GTF2F2: variants seen among roughly 807,000 people sequenced by gnomAD.
GTF2F2 encodes ATP-dependent helicase GTF2F2.
In GTF2F2, 23 loss-of-function variants were observed where a neutral mutation model predicts 42.2. The ratio of observed to expected loss-of-function variants is 0.55; its 90% CI spans 0.39 to 0.77. The LOEUF (loss-of-function observed/expected upper bound fraction) is 0.77, where lower values mean the gene tolerates loss of function less well. GTF2F2 is among the 30% of genes least tolerant of loss of function. GTF2F2 has a pLI of 0.00. For missense variants in GTF2F2, 261 were observed against 287.2 expected, an observed-to-expected ratio of 0.91 and a Z score of 0.66; for synonymous variants, 105 against 100.8, an observed-to-expected ratio of 1.04 and a Z score of -0.25.
intron 7 of GTF2F2, among the ~76,000 whole-genome samples, chr13:45,277,240 A>T (rs1334150064): frequency 6.6e-6 from 1 of 152,334 alleles, no homozygotes; most frequent in East Asian, 1.9e-4. Flanking sequence ...TGGGTAATTT[A>T]TAAAGAAGAG....
chr13:45,125,456 G>T (rs1868939872), intron 1 of GTF2F2, among the ~76,000 whole-genome samples: 1 of 151,926 alleles, frequency 6.6e-6, no homozygotes, highest in Non-Finnish European at 1.5e-5. Flanking sequence ...AGTAGCTGGG[G>T]CTACAGGCGC....
chr13:45,156,764 G>GAAAAT (rs1398695436), intron 4 of GTF2F2, among the ~76,000 whole-genome samples: 1 of 152,188 alleles, frequency 6.6e-6, no homozygotes, highest in Non-Finnish European at 1.5e-5. Flanking sequence ...TACTGAATTA[G>GAAAAT]AAAATATTCA....
intron 6 of GTF2F2, among the ~76,000 whole-genome samples, chr13:45,265,574 T>C (rs1227121789): frequency 1.3e-5 from 2 of 152,172 alleles, no homozygotes; most frequent in Non-Finnish European, 2.9e-5. Context: ...ATGAAGATGA[T>C]TGAGTCCTTT....
chr13:45,198,821 A>G (rs1873034135), intron 4 of GTF2F2, among the ~76,000 whole-genome samples: 1 of 152,038 alleles, frequency 6.6e-6, no homozygotes, highest in African/African-American at 2.4e-5. Context: ...ACTGAATGTA[A>G]GAAACATTCA....
At chr13:45,267,209 A>G (rs754672560) in intron 6 of GTF2F2, 24 bp from the exon 7 acceptor site, 174 of 1,589,784 alleles carry the variant, frequency 1.1e-4, no homozygotes, top group Non-Finnish European at 1.5e-4. Context: ...TGATGCTTTT[A>G]TTTCCTTTGC....
At chr13:45,255,999 T>C (rs893573154) in intron 6 of GTF2F2, among the ~76,000 whole-genome samples, 14 of 152,208 alleles carry the variant, frequency 9.2e-5, no homozygotes, top group Admixed American at 9.2e-4. Flanking sequence ...CTCAATGATA[T>C]ATATACAATA....
At position 45,283,685 on chromosome 13, in the gene GTF2F2, C is replaced by T. The variant is rs1023437831; in HGVS notation, c.*124C>T. ...TAAGTGACAGTACTTTGATTTCTCT[C>T]GGTAAATTTTTTAAACCTGTAATTC... On this transcript the variant is annotated 3_prime_UTR_variant, in exon 8 of 8. Transcript: ENST00000340473. The T allele has an allele frequency of 9.8e-6, 7 of 713,786 alleles. No individual in the cohort carries two copies. Among genetic ancestry groups the T allele is most frequent in the Admixed American group, 4.2e-5 (1 of 24,030 alleles). 44.2% of individuals were successfully genotyped at this position (713,786 alleles called of 1,614,324 possible).
At chr13:45,196,682 C>T (rs1041221029) in intron 4 of GTF2F2, among the ~76,000 whole-genome samples, 2 of 152,168 alleles carry the variant, frequency 1.3e-5, no homozygotes, top group Non-Finnish European at 2.9e-5. Context: ...ACTGTGCTAG[C>T]ATGTTCTTGT....
chr13:45,201,933 G>A (rs1374456365), intron 4 of GTF2F2, among the ~76,000 whole-genome samples: 3 of 152,132 alleles, frequency 2.0e-5, no homozygotes, highest in Non-Finnish European at 2.9e-5. Context: ...AATTGGTGGT[G>A]TGAGCCCCTT....
At chr13:45,142,906 G>A (rs1870000461) in intron 2 of GTF2F2, among the ~76,000 whole-genome samples, 1 of 152,148 alleles carries the variant, frequency 6.6e-6, no homozygotes, top group Admixed American at 6.5e-5. Context: ...TCAAATTTAT[G>A]AGCCGATAAA....
At chr13:45,172,955 A>G (rs369865781) in intron 4 of GTF2F2, among the ~76,000 whole-genome samples, 4 of 152,238 alleles carry the variant, frequency 2.6e-5, no homozygotes, top group African/African-American at 9.6e-5. Context: ...AAGTTTGCAT[A>G]TGAATTTTAA....
chr13:45,181,927 T>G (rs1293740847), intron 4 of GTF2F2, among the ~76,000 whole-genome samples: 1 of 152,126 alleles, frequency 6.6e-6, no homozygotes, highest in Non-Finnish European at 1.5e-5. Flanking sequence ...GTTTGAATAG[T>G]CTACCACAAG....
At chr13:45,140,901 G>T (rs557134973) in intron 2 of GTF2F2, among the ~76,000 whole-genome samples, 3 of 152,304 alleles carry the variant, frequency 2.0e-5, no homozygotes, top group African/African-American at 7.2e-5. Flanking sequence ...TACAGCTCAA[G>T]ACCTGGCTTC....
At chr13:45,233,261 A>AAAAAAC (rs1443571125) in intron 5 of GTF2F2, among the ~76,000 whole-genome samples, 2 of 152,168 alleles carry the variant, frequency 1.3e-5, no homozygotes, top group African/African-American at 2.4e-5. Flanking sequence ...CTGCAATATA[A>AAAAAAC]AAAAACAATT....
chr13:45,224,629 A>C (rs1340133500), intron 5 of GTF2F2, among the ~76,000 whole-genome samples: 2 of 152,238 alleles, frequency 1.3e-5, no homozygotes, highest in African/African-American at 4.8e-5. Flanking sequence ...AATGTGATAC[A>C]CTTGTACCAT....
intron 7 of GTF2F2, among the ~76,000 whole-genome samples, chr13:45,275,303 T>C (rs1876984079): frequency 6.6e-6 from 1 of 151,572 alleles, no homozygotes; most frequent in South Asian, 2.1e-4. Context: ...AAATGGTGTT[T>C]ATTATTATTA....
rs766301533 is a variant in GTF2F2 at position 45,234,875 on chromosome 13, G to A, written c.387-17996G>A. ...AGCCTGACCAACATGGAGCAACCCC[G>A]TCTCTACTAAAAATACAAAGTTAGC... On this transcript the variant is annotated intron_variant, in intron 5 of 7. Transcript: ENST00000340473. 2.6e-5 allele frequency among the ~76,000 whole-genome samples: 4 copies of A among 151,684 alleles called. No individual in the cohort carries two copies. In the South Asian group the frequency reaches 6.2e-4, roughly 24 times the overall value.
chr13:45,269,023 G>A (rs1388241970), intron 7 of GTF2F2, among the ~76,000 whole-genome samples: 1 of 152,160 alleles, frequency 6.6e-6, no homozygotes, highest in African/African-American at 2.4e-5. Flanking sequence ...CTGCAAAAAT[G>A]TATGAATTGT....
intron 5 of GTF2F2, among the ~76,000 whole-genome samples, chr13:45,252,086 C>G (rs768692028): frequency 2.6e-5 from 4 of 152,110 alleles, no homozygotes; most frequent in Non-Finnish European, 5.9e-5. Flanking sequence ...TACTAGTCAG[C>G]TATTGTTTTA....
Sources: gnomAD v4.1 joint callset for allele counts (sites outside exome capture counted in the v4.1 genomes callset) on GRCh38, gnomAD v4.1.1 for gene constraint, MANE v1.5 for transcripts, NCBI Gene and HGNC (gene_info 2026-07-23, HGNC 2026-07-21) for gene names.